SLC25A29: variants seen among roughly 807,000 people sequenced by gnomAD.
SLC25A29 encodes the protein mitochondrial basic amino acids transporter.
Under a neutral mutation model 10.0 loss-of-function variants are expected in SLC25A29, and 13 were observed. The observed-to-expected ratio is 1.30, with a 90% CI of 0.85 to 2.07. SLC25A29 has a LOEUF of 2.07. Ranked by LOEUF, SLC25A29 falls within the 30% of genes most tolerant of loss-of-function variation. SLC25A29 has a pLI of 0.00. For missense variants in SLC25A29, 475 were observed against 447.6 expected (o/e 1.06, Z -0.55); for synonymous variants, 244 against 221.1 (o/e 1.10, Z -0.92).
intron 2 of SLC25A29, 30 bp from the exon 3 acceptor site, chr14:100,293,407 G>A (rs1197434672): frequency 1.2e-6 from 2 of 1,604,274 alleles, no homozygotes; most frequent in Admixed American, 3.4e-5. Flanking sequence ...TGAGAGGCAG[G>A]CAGGCAGGAC....
intron 2 of SLC25A29, chr14:100,294,254 G>A (rs1046228916): frequency 6.6e-6 from 1 of 152,384 alleles, no homozygotes; most frequent in Non-Finnish European, 1.5e-5. Context: ...GGGGACCCAC[G>A]TCAGCAGCTC....
At chr14:100,284,341 G>A in the SLC25A29 span, among the ~76,000 whole-genome samples, 1 of 152,158 alleles carries the variant, frequency 6.6e-6, no homozygotes, top group Non-Finnish European at 1.5e-5. Flanking sequence ...GCGCAGTGGT[G>A]CCTCCTGGCC....
intron 2 of SLC25A29, chr14:100,295,534 TC>T (rs1892083404): frequency 2.4e-6 from 3 of 1,237,576 alleles, no homozygotes; most frequent in Non-Finnish European, 2.1e-6. Context: ...ACCCTCCCTG[TC>T]CCCTGCTACG....
At chr14:100,298,547 T>C (rs1446725533) in intron 2 of SLC25A29, 2 of 520,540 alleles carry the variant, frequency 3.8e-6, no homozygotes, top group Non-Finnish European at 3.5e-6. Context: ...AAGGAACTGT[T>C]TGGGAGAGTT....
chr14:100,293,539 T>C (rs945015452), intron 2 of SLC25A29, 162 bp from the exon 3 acceptor site: 5 of 619,106 alleles, frequency 8.1e-6, no homozygotes, highest in Non-Finnish European at 1.4e-5. Context: ...CGGGTATCTA[T>C]GCCTTCTCAG....
chr14:100,299,628 C>T, intron 1 of SLC25A29: 1 of 985,702 alleles, frequency 1.0e-6, no homozygotes, highest in South Asian at 4.7e-5. Context: ...CTCACAAACA[C>T]TTCTCCAGAG....
At chr14:100,287,539 C>T (rs778274504), downstream of SLC25A29, among the ~76,000 whole-genome samples, 24 of 152,030 alleles carry the variant, frequency 1.6e-4, no homozygotes, top group Non-Finnish European at 3.2e-4. Flanking sequence ...CACATAGTTT[C>T]GCCTCCCTTG....
At chr14:100,286,477 G>GA, downstream of SLC25A29, among the ~76,000 whole-genome samples, 1 of 150,256 alleles carries the variant, frequency 6.7e-6, no homozygotes, top group African/African-American at 2.4e-5. Flanking sequence ...GGCTGGGGGG[G>GA]GGGGTGTTGC....
intron 3 of SLC25A29, 32 bp from the exon 4 acceptor site, chr14:100,293,064 A>G: frequency 2.7e-6 from 4 of 1,498,954 alleles, no homozygotes; most frequent in Non-Finnish European, 3.5e-6. Context: ...CAGAGCCGGC[A>G]ACGCGCACCT....
chr14:100,295,556 T>C, intron 2 of SLC25A29: 2 of 1,270,084 alleles, frequency 1.6e-6, no homozygotes, highest in Admixed American at 4.7e-5. Context: ...GAGGGAACTC[T>C]GGGGTTGGGG....
At chr14:100,287,623 G>GCCCC (rs1257793923), downstream of SLC25A29, among the ~76,000 whole-genome samples, 4 of 107,250 alleles carry the variant, frequency 3.7e-5, no homozygotes, top group Admixed American at 1.0e-4. Context: ...TGCCACTGGA[G>GCCCC]CACCACCCCC....
chr14:100,296,338 A>G (rs1595360539), intron 2 of SLC25A29: 1 of 268,382 alleles, frequency 3.7e-6, no homozygotes, highest in Non-Finnish European at 7.4e-6. Flanking sequence ...CTGCGGTGGG[A>G]GGATTGCTTG....
chr14:100,300,316 TAA>T (rs1892457883), intron 1 of SLC25A29, among the ~76,000 whole-genome samples: 1 of 152,224 alleles, frequency 6.6e-6, no homozygotes. Context: ...ATACTCACTT[TAA>T]CTTTGCCAGT....
intron 1 of SLC25A29, among the ~76,000 whole-genome samples, chr14:100,303,234 C>T (rs529911210): frequency 9.2e-5 from 14 of 152,354 alleles, no homozygotes; most frequent in South Asian, 4.1e-4. Flanking sequence ...GGATTTCCCT[C>T]GGTTTTGGAA....
At chr14:100,301,584 AC>A (rs1892550732) in intron 1 of SLC25A29, among the ~76,000 whole-genome samples, 1 of 151,896 alleles carries the variant, frequency 6.6e-6, no homozygotes, top group Non-Finnish European at 1.5e-5. Flanking sequence ...ATCTCGACTC[AC>A]TGCAAGCTCT....
In SLC25A29 at chr14:100,295,651, G is replaced by A. The variant is rs749837707; in HGVS notation, c.79-2274C>T. ...TAGCGCTCTCCAGGGTGAGGCTTAC[G>A]CCCATCTACAACAAAGTTACACTTT... On this transcript the variant is annotated intron_variant, in intron 2 of 3. Transcript: ENST00000359232. The A allele has an allele frequency of 1.4e-4, 178 of 1,289,338 alleles. 1 individual carries two copies. Among genetic ancestry groups the A allele is most frequent in the Non-Finnish European group, 1.7e-4 (166 of 988,882 alleles). The allele number at this position is 1,289,338 out of a possible 1,614,324, so 79.9% of individuals were successfully genotyped here.
In SLC25A29 at chr14:100,291,973, G is replaced by T. The variant is rs1891728742; in HGVS notation, c.*310C>A. 4 of 406,906 alleles carry T rather than the reference G, an allele frequency of 9.8e-6. No individual in the cohort carries two copies. The highest frequency in any genetic ancestry group is 1.8e-5 in the Non-Finnish European group (4 of 223,562). The allele number at this position is 406,906 out of a possible 1,614,324, so 25.2% of individuals were successfully genotyped here. A position where few individuals can be genotyped will look rare whatever the true frequency, so the allele number is the denominator to read the frequency against. The stretch of plus-strand genomic sequence containing the variant: ...CAGGATCCCAGAAAGGGGCTGGAGT[G>T]TCTGCCTCAGTTTCCAGGATAACGG... On this transcript the variant is annotated 3_prime_UTR_variant, in exon 4 of 4. Transcript: ENST00000359232.
downstream of SLC25A29, among the ~76,000 whole-genome samples, chr14:100,289,823 C>T (rs956237002): frequency 2.3e-5 from 2 of 88,860 alleles, no homozygotes; most frequent in East Asian, 3.4e-4. Flanking sequence ...GCCTGGGCAA[C>T]AGAGCAAGAC....
the SLC25A29 span, among the ~76,000 whole-genome samples, chr14:100,284,708 G>C: frequency 2.0e-5 from 3 of 152,172 alleles, no homozygotes; most frequent in African/African-American, 7.2e-5. Context: ...ACTGGCACTG[G>C]CATGACATCT....
Sources: gnomAD v4.1 joint callset for allele counts (sites outside exome capture counted in the v4.1 genomes callset) on GRCh38, gnomAD v4.1.1 for gene constraint, MANE v1.5 for transcripts, NCBI Gene and HGNC (gene_info 2026-07-23, HGNC 2026-07-21) for gene names.